Variants in NMBR observed in about 807,000 individuals in gnomAD.
NMBR encodes the protein neuromedin-B receptor.
NMBR carries 16 observed loss-of-function variants against 20.5 expected under a neutral mutation model. The observed-to-expected ratio is 0.78, with a 90% CI of 0.53 to 1.19. NMBR has a LOEUF of 1.19. Among genes scored for constraint, NMBR ranks in the 50% most tolerant of loss-of-function variants. The pLI, the probability that NMBR is intolerant of heterozygous loss-of-function variation, is 0.00. For synonymous variants in NMBR, 212 were observed against 196.6 expected (o/e 1.08, Z -0.65); for missense variants, 582 against 499.1 (o/e 1.17, Z -1.58).
At chr6:142,093,154 CT>C (rs1023540080) in intron 1 of NMBR, among the ~76,000 whole-genome samples, 20 of 150,554 alleles carry the variant, frequency 1.3e-4, no homozygotes, top group Non-Finnish European at 2.2e-4. Flanking sequence ...AATTTTTTTT[CT>C]TTTTTTTTAA....
intron 2 of NMBR, among the ~76,000 whole-genome samples, chr6:142,084,540 G>T (rs1364539266): frequency 6.6e-6 from 1 of 151,802 alleles, no homozygotes; most frequent in African/African-American, 2.4e-5. Flanking sequence ...AATGCGTTTT[G>T]GTTAACAGTT....
intron 1 of NMBR, among the ~76,000 whole-genome samples, chr6:142,123,955 T>G (rs953800808): frequency 2.6e-5 from 4 of 151,948 alleles, no homozygotes; most frequent in East Asian, 1.9e-4. Context: ...CAGAAGAGAT[T>G]AGTGAAATTA....
chr6:142,104,591 C>A (rs942904897), intron 1 of NMBR, among the ~76,000 whole-genome samples: 2 of 152,120 alleles, frequency 1.3e-5, no homozygotes, highest in African/African-American at 4.8e-5. Flanking sequence ...AATAGTCATT[C>A]ATTTAGCCAA....
At chr6:142,126,592 CA>C (rs1487315977) in intron 1 of NMBR, among the ~76,000 whole-genome samples, 1 of 151,738 alleles carries the variant, frequency 6.6e-6, no homozygotes, top group Non-Finnish European at 1.5e-5. Context: ...TTATAATAGC[CA>C]TTCTAACAGG....
chr6:142,101,500 A>G (rs1777564166), intron 1 of NMBR, among the ~76,000 whole-genome samples: 1 of 152,174 alleles, frequency 6.6e-6, no homozygotes. Context: ...CAAGGACTTC[A>G]GATTATTTTC....
chr6:142,138,478 C>T (rs143667156), intron 1 of NMBR, among the ~76,000 whole-genome samples: 6 of 152,238 alleles, frequency 3.9e-5, no homozygotes, highest in South Asian at 2.1e-4. Context: ...TACTCTAGCA[C>T]GTGAGCTATA....
rs79571657 is a variant in NMBR at position 142,105,318 on chromosome 6, T to A, written c.-663-15997A>T. 4.5e-3 allele frequency among the ~76,000 whole-genome samples: 685 copies of A among 152,312 alleles called. 3 individuals are homozygous for A. Among genetic ancestry groups the A allele is most frequent in the African/African-American group, 0.016 (662 of 41,564 alleles). ...TGCAGGTCACAGGCGATATGATGGC[T>A]TAGCTTGGGCTCAGAGGCCTGACAA... On this transcript the variant is annotated intron_variant, in intron 1 of 3. Coordinates refer to ENST00000258042, the MANE Select transcript of NMBR (RefSeq NM_002511.4).
chr6:142,079,152 G>A (rs1582834553), intron 2 of NMBR, among the ~76,000 whole-genome samples: 6 of 80,688 alleles, frequency 7.4e-5, no homozygotes, highest in African/African-American at 2.8e-4. Context: ...AAAAAGAAGA[G>A]AGGAGAGGAG....
chr6:142,103,440 AAC>A (rs1244604004), intron 1 of NMBR, among the ~76,000 whole-genome samples: 1 of 152,200 alleles, frequency 6.6e-6, no homozygotes, highest in African/African-American at 2.4e-5. Context: ...TGAGTTTGAT[AAC>A]CAAACATTGG....
chr6:142,101,643 T>C (rs564735452), intron 1 of NMBR, among the ~76,000 whole-genome samples: 1 of 152,160 alleles, frequency 6.6e-6, no homozygotes, highest in Non-Finnish European at 1.5e-5. Flanking sequence ...AGATTTAGCA[T>C]AAGTGACTCT....
In NMBR at chr6:142,114,050, A is replaced by G. The variant is rs1015025667; in HGVS notation, c.-663-24729T>C. On this transcript the variant is annotated intron_variant, in intron 1 of 3. Coordinates refer to ENST00000258042, the MANE Select transcript of NMBR (RefSeq NM_002511.4). ...GGGGTTTCTCAGCATGAAGAGCCCA[A>G]TTACAAAATAGGAAAAGCGCCACTC... Among the ~76,000 whole-genome samples the G allele has an allele frequency of 7.2e-5, 11 of 152,258 alleles. No individual in the cohort carries two copies. In the South Asian group the frequency reaches 1.7e-3, roughly 23 times the overall value.
chr6:142,085,632 T>C (rs1204711875), intron 2 of NMBR, among the ~76,000 whole-genome samples: 1 of 152,182 alleles, frequency 6.6e-6, no homozygotes, highest in African/African-American at 2.4e-5. Flanking sequence ...AATATTTGTG[T>C]TTTTCATTTT....
chr6:142,122,431 G>A (rs539532513), intron 1 of NMBR, among the ~76,000 whole-genome samples: 2 of 152,114 alleles, frequency 1.3e-5, no homozygotes, highest in Non-Finnish European at 1.5e-5. Flanking sequence ...GCAAGATGAA[G>A]TAGCAAGTGC....
chr6:142,133,054 G>T lies in NMBR; in HGVS notation c.-664+13990C>A, dbSNP rs111269991. ...TTTGTAGTGATGAGTGTTTTCTGCT[G>T]TAAGAGTCCTGAGAGAATGTAAGAG... On this transcript the variant is annotated intron_variant, in intron 1 of 3. Coordinates refer to ENST00000258042, the MANE Select transcript of NMBR (RefSeq NM_002511.4). The T allele has an allele frequency of 2.6e-4, 139 of 526,870 alleles. 1 individual carries two copies. In the East Asian group the frequency reaches 3.4e-3, roughly 13 times the overall value. 32.6% of individuals were successfully genotyped at this position (526,870 alleles called of 1,614,324 possible).
chr6:142,110,143 C>A (rs981470555), intron 1 of NMBR, among the ~76,000 whole-genome samples: 9 of 152,078 alleles, frequency 5.9e-5, no homozygotes, highest in Admixed American at 5.9e-4. Context: ...AGTGGTGTAG[C>A]CGCTTTGAAA....
At position 142,088,593 on chromosome 6, in the gene NMBR, G is replaced by A. The variant is rs747487163; in HGVS notation, c.66C>T (p.Pro22=). Reference sequence around the variant, plus strand: ...GCAGGAAATCCCTTTCCCACCCCTCGGGAACGGAACCGCTCTCATTCGCGC... The same window carrying A: ...GCAGGAAATCCCTTTCCCACCCCTCAGGAACGGAACCGCTCTCATTCGCGC... ...TTGANESGSV[P]EGWERDFLPA... The change falls in exon 2 of 4, where the codon CCC becomes CCT. Residue 22 remains proline (P), a synonymous_variant. Transcript: ENST00000258042. The A allele has an allele frequency of 1.9e-6, 3 of 1,612,570 alleles. No homozygotes were observed. The highest frequency in any genetic ancestry group is 4.5e-5 in the East Asian group (2 of 44,844).
intron 1 of NMBR, among the ~76,000 whole-genome samples, chr6:142,105,641 C>G (rs1327532793): frequency 4.6e-5 from 7 of 152,060 alleles, no homozygotes; most frequent in African/African-American, 1.4e-4. Flanking sequence ...ATTAAAAGCA[C>G]ATTTTTGTTT....
chr6:142,132,428 G>GAT (rs1320568166), intron 1 of NMBR, among the ~76,000 whole-genome samples: 6 of 152,232 alleles, frequency 3.9e-5, no homozygotes, highest in Admixed American at 3.3e-4. Context: ...TTGTTCTCAT[G>GAT]ATATGTGCTA....
intron 1 of NMBR, among the ~76,000 whole-genome samples, chr6:142,097,576 G>T (rs78084588): frequency 2.0e-5 from 3 of 152,064 alleles, no homozygotes; most frequent in African/African-American, 7.2e-5. Context: ...TCAAAATATT[G>T]TAAGTTGCAC....
Sources: gnomAD v4.1 joint callset for allele counts (sites outside exome capture counted in the v4.1 genomes callset) on GRCh38, gnomAD v4.1.1 for gene constraint, MANE v1.5 for transcripts, NCBI Gene and HGNC (gene_info 2026-07-23, HGNC 2026-07-21) for gene names.